Variants in PDE1C observed in about 807,000 individuals in gnomAD.
PDE1C encodes the protein dual specificity calcium/calmodulin-dependent 3',5'-cyclic nucleotide phosphodiesterase 1C.
A neutral mutation model predicts 93.1 loss-of-function variants in PDE1C; 62 were observed. The observed-to-expected ratio is 0.67, with a 90% CI of 0.54 to 0.82. The LOEUF is 0.82. PDE1C is among the 40% of genes least tolerant of loss of function. PDE1C has a pLI of 0.00. For missense variants in PDE1C, 742 were observed against 884.6 expected (o/e 0.84, Z 2.04); for synonymous variants, 325 against 310.1 (o/e 1.05, Z -0.50).
intron 2 of PDE1C, among the ~76,000 whole-genome samples, chr7:32,014,974 T>C (rs760690150): frequency 6.6e-6 from 1 of 152,122 alleles, no homozygotes; most frequent in Non-Finnish European, 1.5e-5. Flanking sequence ...AATTGAATCA[T>C]GGGGGCAGTT....
At chr7:31,711,533 AAAG>A in the PDE1C span, among the ~76,000 whole-genome samples, 601 of 152,312 alleles carry the variant, frequency 3.9e-3, 5 homozygotes, top group African/African-American at 0.014. Context: ...ACAGGAGGTT[AAAG>A]AAGGAGATCA....
intron 1 of PDE1C, among the ~76,000 whole-genome samples, chr7:32,288,649 T>G (rs533572858): frequency 6.6e-6 from 1 of 152,210 alleles, no homozygotes; most frequent in African/African-American, 2.4e-5. Flanking sequence ...CTCGATACAA[T>G]TTGAAAAGCT....
At chr7:31,654,130 T>C in the PDE1C span, among the ~76,000 whole-genome samples, 1 of 151,624 alleles carries the variant, frequency 6.6e-6, no homozygotes, top group Non-Finnish European at 1.5e-5. Context: ...GTGATAATGT[T>C]GCAAAGGGAG....
chr7:32,096,146 A>G (rs1364178013), intron 3 of PDE1C, among the ~76,000 whole-genome samples: 1 of 152,182 alleles, frequency 6.6e-6, no homozygotes, highest in Admixed American at 6.5e-5. Flanking sequence ...CCAAGACTTC[A>G]TGGACCATGG....
At position 31,847,985 on chromosome 7, in the gene PDE1C, G is replaced by A; in HGVS notation, c.963C>T (p.Leu321=). Residue 321 remains leucine, a synonymous_variant, in exon 9 of 18, where the codon CTC becomes CTT. Transcript: ENST00000396191. ...DDEEMNILIN[L]SKDDWREFRT... ...ATCCTTACCTCCAGTCATCCTTTGA[G>A]AGGTTAATCAAAATATTCATTTCCT... The A allele has an allele frequency of 6.2e-7, 1 of 1,612,764 alleles. No individual in the cohort carries two copies. The highest frequency in any genetic ancestry group is 8.5e-7 in the Non-Finnish European group (1 of 1,179,424).
At chr7:31,690,263 A>C in the PDE1C span, among the ~76,000 whole-genome samples, 1 of 152,350 alleles carries the variant, frequency 6.6e-6, no homozygotes, top group Admixed American at 6.5e-5. Flanking sequence ...ACATTACATA[A>C]AAATAGCTGC....
intron 3 of PDE1C, among the ~76,000 whole-genome samples, chr7:32,130,703 C>T (rs1799867966): frequency 6.6e-6 from 1 of 152,152 alleles, no homozygotes; most frequent in Non-Finnish European, 1.5e-5. Flanking sequence ...CTCCCACACG[C>T]CTCTCCTTTG....
At chr7:32,348,466 G>A (rs979609388) in intron 1 of PDE1C, among the ~76,000 whole-genome samples, 1 of 136,938 alleles carries the variant, frequency 7.3e-6, no homozygotes, top group South Asian at 2.4e-4. Flanking sequence ...CCAGGTTCAT[G>A]CCATTCTCCT....
chr7:31,754,471 G>A (rs1371875767), intron 17 of PDE1C, among the ~76,000 whole-genome samples: 3 of 152,162 alleles, frequency 2.0e-5, no homozygotes, highest in African/African-American at 7.2e-5. Context: ...AGTGCCAAAA[G>A]CTGGAAGCAA....
intron 2 of PDE1C, among the ~76,000 whole-genome samples, chr7:32,012,534 G>C (rs1487371297): frequency 7.9e-5 from 12 of 152,172 alleles, no homozygotes; most frequent in Admixed American, 7.9e-4. Context: ...ATCAGAATCT[G>C]TGTATGTAAA....
chr7:31,860,512 TA>T (rs1175093033), intron 7 of PDE1C, among the ~76,000 whole-genome samples: 1 of 152,234 alleles, frequency 6.6e-6, no homozygotes, highest in Non-Finnish European at 1.5e-5. Flanking sequence ...CATCTTTTCA[TA>T]TTTCTTTTAT....
intron 9 of PDE1C, among the ~76,000 whole-genome samples, chr7:31,841,847 C>T (rs956267702): frequency 2.6e-5 from 4 of 152,060 alleles, no homozygotes; most frequent in Non-Finnish European, 5.9e-5. Flanking sequence ...AGATCCAGGA[C>T]ACCCAATATT....
chr7:31,977,713 C>T (rs899655525), intron 2 of PDE1C, among the ~76,000 whole-genome samples: 48 of 152,178 alleles, frequency 3.2e-4, no homozygotes, highest in Non-Finnish European at 4.4e-5. Context: ...AAAACATGTG[C>T]TCCTTTAGAA....
intron 2 of PDE1C, among the ~76,000 whole-genome samples, chr7:31,907,396 C>T (rs778078335): frequency 2.2e-4 from 33 of 151,934 alleles, no homozygotes; most frequent in Non-Finnish European, 3.7e-4. Flanking sequence ...ACCTGTAAAA[C>T]TTTATGAGAA....
Position 32,409,180 on chromosome 7 carries a change from A to C in PDE1C, c.310+18642T>G, listed in dbSNP as rs571421422. Among the ~76,000 whole-genome samples, 7 of 152,104 alleles carry C rather than the reference A, an allele frequency of 4.6e-5. 1 individual carries two copies. In the South Asian group the frequency reaches 1.5e-3, roughly 32 times the overall value. Reference sequence around the variant, plus strand: ...GAGACCAGCCTGGGCAACATGGTGAAACCTCATCTCTAAAAAAAAAATACA... The same window carrying C: ...GAGACCAGCCTGGGCAACATGGTGACACCTCATCTCTAAAAAAAAAATACA... On this transcript the variant is annotated intron_variant, in intron 1 of 1. Transcript: ENST00000672256.
chr7:32,087,329 A>G (rs1026875232), intron 3 of PDE1C, among the ~76,000 whole-genome samples: 8 of 152,112 alleles, frequency 5.3e-5, no homozygotes, highest in Admixed American at 5.2e-4. Flanking sequence ...TAGAATGGCA[A>G]TCATTAAAAA....
the PDE1C span, among the ~76,000 whole-genome samples, chr7:31,721,045 G>A: frequency 2.0e-3 from 298 of 152,272 alleles, 1 homozygote; most frequent in Non-Finnish European, 3.0e-3. Flanking sequence ...GTGTATGACT[G>A]TATGTGTGTA....
At chr7:31,777,024 G>A in intron 16 of PDE1C, among the ~76,000 whole-genome samples, 1 of 150,410 alleles carries the variant, frequency 6.6e-6, no homozygotes, top group Non-Finnish European at 1.5e-5. Flanking sequence ...ATAGCATTAG[G>A]AGATATACCT....
intron 2 of PDE1C, among the ~76,000 whole-genome samples, chr7:31,998,283 T>C (rs1785016767): frequency 6.6e-6 from 1 of 152,220 alleles, no homozygotes; most frequent in African/African-American, 2.4e-5. Context: ...CCTCCCAAAG[T>C]GCTGGGATTA....
Sources: allele counts gnomAD v4.1 joint callset (sites outside exome capture counted in the v4.1 genomes callset), GRCh38; gene constraint gnomAD v4.1.1; transcripts MANE v1.5; gene names NCBI Gene and HGNC (gene_info 2026-07-23, HGNC 2026-07-21).